The following PCDHA2 variants were observed in gnomAD, a reference collection of about 807,000 sequenced individuals.
PCDHA2 encodes the protein protocadherin alpha-2.
PCDHA2 carries 58 observed loss-of-function variants against 66.0 expected under a neutral mutation model. The ratio of observed to expected loss-of-function variants is 0.88; its 90% CI spans 0.71 to 1.09. The LOEUF is 1.09. PCDHA2 is among the 50% of genes least tolerant of loss of function. The pLI is 0.00. For synonymous variants in PCDHA2, 634 were observed against 554.0 expected (o/e 1.14, Z -2.03); for missense variants, 1,267 against 1,242.3 (o/e 1.02, Z -0.30).
At chr5:140,830,200 C>T (rs2150182679) in intron 1 of PCDHA2, 2 of 1,613,764 alleles carry the variant, frequency 1.2e-6, no homozygotes, top group Non-Finnish European at 1.7e-6. Flanking sequence ...TGATCATCGC[C>T]ATCTGCGCGG....
intron 1 of PCDHA2, among the ~76,000 whole-genome samples, chr5:140,891,310 G>A (rs1361380938): frequency 6.6e-6 from 1 of 152,030 alleles, no homozygotes; most frequent in Non-Finnish European, 1.5e-5. Flanking sequence ...GATTACATGA[G>A]TAAGTTCTTT....
chr5:140,882,928 C>G (rs1554176132), intron 1 of PCDHA2: 1 of 1,614,140 alleles, frequency 6.2e-7, no homozygotes, highest in South Asian at 1.1e-5. Flanking sequence ...GAGGTAAACC[C>G]GAGCTGACTG....
Position 140,895,311 on chromosome 5 carries a change from C to T in PCDHA2, c.2389-83638C>T, listed in dbSNP as rs572826090. 2.0e-5 allele frequency among the ~76,000 whole-genome samples: 3 copies of T among 152,252 alleles called. No homozygotes were observed. The South Asian group carries it at 6.2e-4, about 32-fold the overall frequency. On this transcript the variant is annotated intron_variant, in intron 1 of 3. Transcript: ENST00000526136. ...GACCTTCGATTTCCCCCCTTCCACC[C>T]ATGACTATTGTTCTCAAATTGTTTT...
At chr5:140,927,094 G>C (rs555838945) in intron 1 of PCDHA2, 4 of 1,612,890 alleles carry the variant, frequency 2.5e-6, no homozygotes. Context: ...CTACTTCGGG[G>C]TGGATCTACC....
At chr5:140,834,590 A>T in intron 1 of PCDHA2, 3 of 1,614,104 alleles carry the variant, frequency 1.9e-6, no homozygotes, top group Non-Finnish European at 2.5e-6. Context: ...CGGTGTGCAA[A>T]TTCCGTGGGG....
intron 1 of PCDHA2, among the ~76,000 whole-genome samples, chr5:140,961,205 T>A (rs1215243152): frequency 1.3e-5 from 2 of 152,172 alleles, no homozygotes; most frequent in African/African-American, 4.8e-5. Context: ...GAGGTTGGTA[T>A]TGATGAAGAA....
intron 1 of PCDHA2, chr5:140,804,329 T>C (rs2149977825): frequency 6.6e-6 from 1 of 152,212 alleles, no homozygotes; most frequent in South Asian, 2.1e-4. Context: ...ACTTTAATAA[T>C]ACTACTGTAT....
intron 1 of PCDHA2, among the ~76,000 whole-genome samples, chr5:140,892,696 C>T (rs1005435710): frequency 4.6e-5 from 7 of 152,098 alleles, no homozygotes; most frequent in Admixed American, 6.6e-5. Context: ...ATAATAAAAT[C>T]AGGGTAATTA....
chr5:140,836,506 CCA>C, intron 1 of PCDHA2: 2 of 1,613,884 alleles, frequency 1.2e-6, no homozygotes, highest in Non-Finnish European at 1.7e-6. Context: ...TGCGCGGTGT[CCA>C]GTCTGTTGGT....
intron 1 of PCDHA2, among the ~76,000 whole-genome samples, chr5:140,838,077 AGTGTGT>A (rs2150283763): frequency 0.11 from 9,093 of 79,922 alleles, 336 homozygotes; most frequent in East Asian, 0.23. Flanking sequence ...ATATATATAT[AGTGTGT>A]GTGTGTGTGT....
intron 1 of PCDHA2, chr5:140,814,266 G>A (rs1765473432): frequency 6.6e-6 from 1 of 151,020 alleles, no homozygotes; most frequent in African/African-American, 2.4e-5. Context: ...ACCCATACTA[G>A]CCTAGGACTG....
intron 1 of PCDHA2, among the ~76,000 whole-genome samples, chr5:140,899,785 A>C (rs1460475621): frequency 6.6e-6 from 1 of 152,166 alleles, no homozygotes; most frequent in African/African-American, 2.4e-5. Flanking sequence ...CTCTGGTATA[A>C]TTCGGCTGTG....
chr5:140,929,180 G>A, intron 1 of PCDHA2: 1 of 1,614,150 alleles, frequency 6.2e-7, no homozygotes, highest in Non-Finnish European at 8.5e-7. Context: ...CTGGGACTTG[G>A]TTCTGATAAT....
At chr5:140,823,662 G>T in intron 1 of PCDHA2, 1 of 1,614,064 alleles carries the variant, frequency 6.2e-7, no homozygotes, top group Non-Finnish European at 8.5e-7. Context: ...ACACAGGCGA[G>T]ATCAGCACAA....
intron 1 of PCDHA2, chr5:140,822,064 C>T: frequency 6.2e-7 from 1 of 1,614,194 alleles, no homozygotes; most frequent in Non-Finnish European, 8.5e-7. Context: ...GCTGTGCCGG[C>T]GGAGGGCGGA....
chr5:140,798,385 GA>G (rs1408084793), intron 1 of PCDHA2, among the ~76,000 whole-genome samples: 2 of 152,298 alleles, frequency 1.3e-5, no homozygotes, highest in African/African-American at 4.8e-5. Flanking sequence ...AGAGTATTGA[GA>G]AAAGAGACCC....
Position 141,010,175 on chromosome 5 carries a change from A to G in PCDHA2, c.*238A>G. The G allele has an allele frequency of 6.4e-7, 1 of 1,556,224 alleles. No homozygotes were observed. The highest frequency in any genetic ancestry group is 8.7e-7 in the Non-Finnish European group (1 of 1,149,078). On this transcript the variant is annotated 3_prime_UTR_variant, in exon 4 of 4. Coordinates refer to ENST00000526136, the MANE Select transcript of PCDHA2 (RefSeq NM_018905.3). ...TCTGGCTTGTTTTCAGAACCTAAAA[A>G]GCAGACCCAAGTTTCCTTTCTCCTC...
intron 1 of PCDHA2, among the ~76,000 whole-genome samples, chr5:140,919,522 CT>C (rs1554199133): frequency 1.3e-5 from 2 of 152,000 alleles, no homozygotes; most frequent in Non-Finnish European, 2.9e-5. Flanking sequence ...TTTTAATTCT[CT>C]TTTTTTCCTA....
intron 3 of PCDHA2, among the ~76,000 whole-genome samples, chr5:140,987,219 A>G (rs1340141684): frequency 6.6e-6 from 1 of 151,240 alleles, no homozygotes; most frequent in African/African-American, 2.5e-5. Flanking sequence ...ATCTCAAAAA[A>G]AAAAAAAATA....
Sources: gnomAD v4.1 joint callset for allele counts (sites outside exome capture counted in the v4.1 genomes callset) on GRCh38, gnomAD v4.1.1 for gene constraint, MANE v1.5 for transcripts, NCBI Gene and HGNC (gene_info 2026-07-23, HGNC 2026-07-21) for gene names.